The following USP6 variants were observed in gnomAD, a reference collection of about 807,000 sequenced individuals.
USP6 encodes the protein ubiquitin carboxyl-terminal hydrolase 6.
Under a neutral mutation model 175.7 loss-of-function variants are expected in USP6, and 128 were observed. That is an observed-to-expected ratio of 0.73 (90% CI 0.63 to 0.84). USP6 has a LOEUF of 0.84. Among genes scored for constraint, USP6 ranks in the 40% least tolerant of loss-of-function variants. USP6 has a pLI of 0.00. For missense variants in USP6, 1,498 were observed against 1,760.3 expected (o/e 0.85, Z 2.67); for synonymous variants, 562 against 630.6 (o/e 0.89, Z 1.63).
chr17:5,139,623 T>C lies in USP6; in HGVS notation c.1447T>C (p.Ser483Pro), dbSNP rs1247270502. 1 of 1,612,988 alleles carries C rather than the reference T, an allele frequency of 6.2e-7. No individual in the cohort carries two copies. Among genetic ancestry groups the C allele is most frequent in the African/African-American group, 1.3e-5 (1 of 74,922 alleles). Residue 483 changes from serine to proline, a missense_variant, in exon 22 of 38, where the codon TCC (serine) becomes CCC (proline). Transcript: ENST00000574788. ...FEWSCWVRAI[S>P]QEDQLATCWQ... ...ATGGAGCTGCTGGGTCCGTGCCATATCCCAGGAGGACCAGCTGGCCACCTG... is the reference window on the plus strand; with the variant it reads ...ATGGAGCTGCTGGGTCCGTGCCATACCCCAGGAGGACCAGCTGGCCACCTG...
Position 5,132,632 on chromosome 17 carries a change from C to T in USP6, c.195+197C>T, listed in dbSNP as rs185394936. Among the ~76,000 whole-genome samples the T allele has an allele frequency of 6.6e-6, 1 of 152,306 alleles. No homozygotes were observed. The highest frequency in any genetic ancestry group is 1.9e-4 in the East Asian group (1 of 5,180). ...AAAATTCCAAAGTGAGAACCACAGT[C>T]CTGGCTTGGGGGGTGGCTGCGCGCT... is the stretch of plus-strand genomic sequence containing the variant. On this transcript the variant is annotated intron_variant, in intron 12 of 37. Coordinates refer to ENST00000574788, the MANE Select transcript of USP6 (RefSeq NM_001304284.2). The surrounding 1 kb of genome is among the most constrained non-coding windows in gnomAD (Gnocchi z 4.7).
chr17:5,161,397 T>C (rs1272051417), intron 31 of USP6, 131 bp from the exon 32 acceptor site: 15 of 849,076 alleles, frequency 1.8e-5, no homozygotes, highest in Admixed American at 7.0e-5. Context: ...GTAAGTAACA[T>C]TGAGCTGTCA....
chr17:5,118,410 C>T (rs1214994637), intron 2 of USP6, 120 bp downstream of exon 2: 2 of 152,348 alleles, frequency 1.3e-5, no homozygotes, highest in Non-Finnish European at 2.9e-5. Context: ...GCTGGCTGCT[C>T]TGGGCAGCTG....
At chr17:5,161,417 T>A in intron 31 of USP6, 111 bp from the exon 32 acceptor site, 1 of 1,075,894 alleles carries the variant, frequency 9.3e-7, no homozygotes, top group Non-Finnish European at 1.4e-6. Context: ...AACATGAGCA[T>A]ACTGCTGTGG....
chr17:5,155,619 G>A lies in USP6; in HGVS notation c.2828+13G>A, dbSNP rs758585682. 6.2e-7 allele frequency: 1 copy of A among 1,612,074 alleles called. No homozygotes were observed. On this transcript the variant is annotated intron_variant, in intron 31 of 37. Coordinates refer to ENST00000574788, the MANE Select transcript of USP6 (RefSeq NM_001304284.2). ...ATGCCCAGGATCGGTGAGTTCAGGG[G>A]ATCCATCTAAACCTGTGGTTTCCAA...
At position 5,135,926 on chromosome 17, in the gene USP6, C is replaced by T. The variant is rs2073240137; in HGVS notation, c.662C>T (p.Pro221Leu). 1 of 1,598,210 alleles carries T rather than the reference C, an allele frequency of 6.3e-7. No individual in the cohort carries two copies. Among genetic ancestry groups the T allele is most frequent in the Non-Finnish European group, 8.5e-7 (1 of 1,179,756 alleles). Reference sequence around the variant, plus strand: ...CTGGCCAGTGAGAGGCACTCCCTGCCAGGTAGGTGAACAGCTGCCCGTGGG... The same window carrying T: ...CTGGCCAGTGAGAGGCACTCCCTGCTAGGTAGGTGAACAGCTGCCCGTGGG... Reference protein sequence around the residue: ...QLLASERHSLPGFHSPNGGTV... With the variant: ...QLLASERHSLLGFHSPNGGTV... Residue 221 changes from proline (P) to leucine (L), a missense_variant and splice_region_variant, in exon 17 of 38, where the codon CCA becomes CTA. Coordinates refer to ENST00000574788, the MANE Select transcript of USP6 (RefSeq NM_001304284.2).
intron 37 of USP6, among the ~76,000 whole-genome samples, chr17:5,172,492 G>C (rs1239768514): frequency 6.6e-6 from 1 of 152,168 alleles, no homozygotes; most frequent in Non-Finnish European, 1.5e-5. Flanking sequence ...GATTGCACCA[G>C]TGCACACCAG....
chr17:5,122,158 G>A (rs1431931200), intron 4 of USP6, among the ~76,000 whole-genome samples: 2 of 151,940 alleles, frequency 1.3e-5, no homozygotes, highest in Non-Finnish European at 2.9e-5. Flanking sequence ...GGTGGCAGGG[G>A]AAGGAAGGTG....
intron 16 of USP6, 116 bp from the exon 17 acceptor site, chr17:5,135,692 T>G (rs1345694049): frequency 1.1e-5 from 18 of 1,591,034 alleles, no homozygotes; most frequent in African/African-American, 2.7e-5. Flanking sequence ...TGAGGAAGCC[T>G]CTTCTTCAGA....
intron 21 of USP6, 178 bp from the exon 22 acceptor site, chr17:5,139,077 C>T (rs1223811342): frequency 6.3e-7 from 1 of 1,592,988 alleles, no homozygotes. Flanking sequence ...CTTCCCCATG[C>T]CAGGCAGCAC....
rs745403716 is a variant in USP6, at chr17:5,155,581, G to A, written c.2803G>A (p.Glu935Lys). 6.2e-7 allele frequency: 1 copy of A among 1,614,042 alleles called. No homozygotes were observed. The highest frequency in any genetic ancestry group is 1.1e-5 in the South Asian group (1 of 91,058). ...SWLARPLPPQEASIHAQDRDN... is the reference protein window; with the variant it reads ...SWLARPLPPQKASIHAQDRDN... The stretch of plus-strand genomic sequence containing the variant: ...GTTAGCAAGACCACTCCCACCTCAG[G>A]AAGCTAGTATTCATGCCCAGGATCG... Residue 935 changes from glutamate (E) to lysine (K), a missense_variant, in exon 31 of 38, where the codon GAA becomes AAA. By Grantham distance (56) the Glu-to-Lys change is moderately conservative. Transcript: ENST00000574788.
In USP6 at chr17:5,173,877, T is replaced by C. The variant is rs1164087686; in HGVS notation, c.*899T>C. ...CTGGGAAGGTAAGCGGCATCGGAGC[T>C]AGATCACGTTTCACAATTAGTGGTT... On this transcript the variant is annotated 3_prime_UTR_variant, in exon 38 of 38. Transcript: ENST00000574788. 6 of 222,954 alleles carry C rather than the reference T, an allele frequency of 2.7e-5. No homozygotes were observed. Among genetic ancestry groups the C allele is most frequent in the Non-Finnish European group, 5.4e-5 (6 of 111,384 alleles). 13.8% of individuals were successfully genotyped at this position (222,954 alleles called of 1,614,324 possible).
chr17:5,133,393 C>T lies in USP6; in HGVS notation c.277-50C>T, dbSNP rs753391029. On this transcript the variant is annotated intron_variant, in intron 13 of 37. Coordinates refer to ENST00000574788, the MANE Select transcript of USP6 (RefSeq NM_001304284.2). The stretch of plus-strand genomic sequence containing the variant: ...TCCAGAATCCCCAGGCTCTGGTCCT[C>T]ACTGGGGTCACCCCATGGCCTGTGA... 44 of 1,544,148 alleles carry T rather than the reference C, an allele frequency of 2.8e-5. No homozygotes were observed. In the East Asian group the frequency reaches 9.7e-4, roughly 34 times the overall value.
chr17:5,117,230 C>T (rs915221183), intron 1 of USP6, among the ~76,000 whole-genome samples: 13 of 152,268 alleles, frequency 8.5e-5, no homozygotes, highest in Admixed American at 2.0e-4. Flanking sequence ...ATTAAAAGCT[C>T]GATAAGCCTG....
At chr17:5,168,281 G>C (rs2074137322) in intron 34 of USP6, among the ~76,000 whole-genome samples, 158 bp downstream of exon 34, 1 of 152,230 alleles carries the variant, frequency 6.6e-6, no homozygotes, top group Admixed American at 6.5e-5. Flanking sequence ...ATACAGAGAT[G>C]AATCTTTCTA....
In USP6 at chr17:5,139,689, C is replaced by G; in HGVS notation, c.1498+15C>G. 1 of 1,603,808 alleles carries G rather than the reference C, an allele frequency of 6.2e-7. No individual in the cohort carries two copies. On this transcript the variant is annotated intron_variant, in intron 22 of 37. Transcript: ENST00000574788. ...CTGCGGAGAGGGTGAGGTTGGCTTT[C>G]ACTGCACTGAGCCACAATGTGGGCA...
At chr17:5,123,472 C>T (rs1406659084) in intron 4 of USP6, among the ~76,000 whole-genome samples, 1 of 152,048 alleles carries the variant, frequency 6.6e-6, no homozygotes, top group African/African-American at 2.4e-5. Flanking sequence ...GCCGGCCCAG[C>T]CCGCGTCACC....
In USP6 at chr17:5,146,187, A is replaced by G. The variant is rs553667055; in HGVS notation, c.2319+13A>G. 20 of 1,589,400 alleles carry G rather than the reference A, an allele frequency of 1.3e-5. No individual in the cohort carries two copies. Among genetic ancestry groups the G allele is most frequent in the Non-Finnish European group, 1.7e-5 (20 of 1,166,428 alleles). ...TTCCAACATAAAGGTAATGTTAACT[A>G]CTCTAAGAAACTTTTGATTCTATCC... On this transcript the variant is annotated intron_variant, in intron 28 of 37. Transcript: ENST00000574788.
intron 25 of USP6, 32 bp from the exon 26 acceptor site, chr17:5,144,658 A>T: frequency 6.2e-7 from 1 of 1,608,508 alleles, no homozygotes. Context: ...ATGGGTAGGA[A>T]ATAATGACTG....
Sources: gnomAD v4.1 joint callset for allele counts (sites outside exome capture counted in the v4.1 genomes callset) on GRCh38, gnomAD v4.1.1 for gene constraint, Gnocchi (gnomAD v3.1) non-coding constraint, MANE v1.5 for transcripts, NCBI Gene and HGNC (gene_info 2026-07-23, HGNC 2026-07-21) for gene names.